EXOC6B: variants seen among roughly 807,000 people sequenced by gnomAD.
The protein encoded by EXOC6B is SEC15 homolog B.
Under a neutral mutation model 113.5 loss-of-function variants are expected in EXOC6B, and 54 were observed. The ratio of observed to expected loss-of-function variants is 0.48; its 90% confidence interval spans 0.38 to 0.60. EXOC6B has a LOEUF of 0.60. Among genes scored for constraint, EXOC6B ranks in the 20% least tolerant of loss-of-function variants. EXOC6B has a pLI of 0.00. For synonymous variants in EXOC6B, 357 were observed against 339.0 expected (o/e 1.05, Z -0.58); for missense variants, 797 against 977.5 (o/e 0.82, Z 2.46).
At chr2:72,294,829 A>C (rs1367518788) in intron 20 of EXOC6B, among the ~76,000 whole-genome samples, 1 of 152,120 alleles carries the variant, frequency 6.6e-6, no homozygotes, top group Non-Finnish European at 1.5e-5. Flanking sequence ...TCATTTCCCA[A>C]TCTGATTGAG....
chr2:72,333,704 C>T (rs1334516472), intron 20 of EXOC6B, among the ~76,000 whole-genome samples: 1 of 151,950 alleles, frequency 6.6e-6, no homozygotes, highest in East Asian at 1.9e-4. Context: ...CCACCTTGGC[C>T]CCCAAATATT....
intron 21 of EXOC6B, chr2:72,183,014 T>G: frequency 1.5e-6 from 1 of 652,580 alleles, no homozygotes; most frequent in Non-Finnish European, 2.2e-6. Flanking sequence ...TTTTAGTCTC[T>G]TGGCTCCAAA....
At chr2:72,417,270 C>T (rs1222783964) in intron 18 of EXOC6B, among the ~76,000 whole-genome samples, 2 of 152,058 alleles carry the variant, frequency 1.3e-5, no homozygotes, top group African/African-American at 2.4e-5. Context: ...CTCTTCTCAC[C>T]CCTCCACCTC....
At chr2:72,198,402 G>T (rs772376433) in intron 20 of EXOC6B, among the ~76,000 whole-genome samples, 1 of 152,088 alleles carries the variant, frequency 6.6e-6, no homozygotes, top group Non-Finnish European at 1.5e-5. Flanking sequence ...AAATTATAAG[G>T]CAGAGAAAAA....
intron 8 of EXOC6B, among the ~76,000 whole-genome samples, chr2:72,544,781 A>G (rs899690576): frequency 5.9e-5 from 9 of 152,128 alleles, no homozygotes; most frequent in African/African-American, 2.2e-4. Context: ...TATCTCTGGC[A>G]ATGCTAGACT....
chr2:72,205,776 A>G (rs1432299573), intron 20 of EXOC6B, among the ~76,000 whole-genome samples: 3 of 152,238 alleles, frequency 2.0e-5, no homozygotes, highest in Admixed American at 6.5e-5. Context: ...TTTAAGAATC[A>G]GCCAGGAGTC....
chr2:72,484,459 C>T (rs1424914710), intron 16 of EXOC6B, among the ~76,000 whole-genome samples: 2 of 149,650 alleles, frequency 1.3e-5, no homozygotes, highest in African/African-American at 2.5e-5. Flanking sequence ...CCCAGCTACT[C>T]GGGAGGCTGA....
intron 18 of EXOC6B, among the ~76,000 whole-genome samples, chr2:72,450,783 G>T (rs1696864357): frequency 6.6e-6 from 1 of 152,170 alleles, no homozygotes; most frequent in African/African-American, 2.4e-5. Context: ...CATATCATTA[G>T]CAGTTGACTG....
At chr2:72,356,022 T>C (rs1689954664) in intron 19 of EXOC6B, among the ~76,000 whole-genome samples, 1 of 152,222 alleles carries the variant, frequency 6.6e-6, no homozygotes, top group Non-Finnish European at 1.5e-5. Context: ...TTGGATAAGG[T>C]ATTAAAAATA....
intron 18 of EXOC6B, among the ~76,000 whole-genome samples, chr2:72,417,060 T>C (rs1192091471): frequency 1.3e-5 from 2 of 152,212 alleles, no homozygotes; most frequent in Non-Finnish European, 2.9e-5. Flanking sequence ...TTTAAAGTAT[T>C]AATTACAATA....
intron 6 of EXOC6B, among the ~76,000 whole-genome samples, chr2:72,716,423 T>C (rs1385843688): frequency 6.6e-6 from 1 of 152,134 alleles, no homozygotes; most frequent in African/African-American, 2.4e-5. Context: ...CCTATCTTCC[T>C]TACACTCTCG....
chr2:72,778,714 T>C lies in EXOC6B; in HGVS notation c.114-37245A>G, dbSNP rs567383512. Among the ~76,000 whole-genome samples, 58 of 152,226 alleles carry C rather than the reference T, an allele frequency of 3.8e-4. No homozygotes were observed. In the South Asian group the frequency reaches 0.012, roughly 31 times the overall value. On this transcript the variant is annotated intron_variant, in intron 1 of 21. Transcript: ENST00000272427. The stretch of plus-strand genomic sequence containing the variant: ...ACAAATCATGACTAAGATTTGCTAT[T>C]AGTCATCTCCCATTCTTTCTAAAGA...
intron 1 of EXOC6B, among the ~76,000 whole-genome samples, chr2:72,755,037 A>T (rs1269357551): frequency 6.6e-6 from 1 of 152,176 alleles, no homozygotes; most frequent in Non-Finnish European, 1.5e-5. Flanking sequence ...TAGGATAAGA[A>T]TTACTCCTTA....
intron 1 of EXOC6B, among the ~76,000 whole-genome samples, chr2:72,800,941 C>T (rs1352894874): frequency 6.6e-6 from 1 of 152,226 alleles, no homozygotes; most frequent in South Asian, 2.1e-4. Context: ...CTCTTTCCCT[C>T]TCATTCTCTA....
intron 19 of EXOC6B, among the ~76,000 whole-genome samples, chr2:72,363,549 A>T (rs982617390): frequency 2.4e-4 from 37 of 152,088 alleles, no homozygotes; most frequent in East Asian, 1.5e-3. Flanking sequence ...GACCTGAGAT[A>T]TGCTGGATAT....
chr2:72,550,518 T>C (rs1703150445), intron 8 of EXOC6B, among the ~76,000 whole-genome samples: 1 of 152,200 alleles, frequency 6.6e-6, no homozygotes, highest in Non-Finnish European at 1.5e-5. Flanking sequence ...GGAACTACTG[T>C]GAATGGGAGA....
intron 6 of EXOC6B, among the ~76,000 whole-genome samples, chr2:72,622,098 T>C (rs1671783407): frequency 6.6e-6 from 1 of 151,740 alleles, no homozygotes; most frequent in South Asian, 2.1e-4. Context: ...TATAAGAATA[T>C]ATGTTAAATC....
chr2:72,490,777 G>A (rs950015643), intron 16 of EXOC6B, among the ~76,000 whole-genome samples: 2 of 152,096 alleles, frequency 1.3e-5, no homozygotes, highest in African/African-American at 4.8e-5. Context: ...CCCGTACAGT[G>A]TTTCCTGAAA....
chr2:72,187,400 T>C (rs538509863), intron 20 of EXOC6B, among the ~76,000 whole-genome samples: 159 of 152,038 alleles, frequency 1.0e-3, no homozygotes, highest in Non-Finnish European at 1.9e-3. Flanking sequence ...CAAGTTCTTT[T>C]CCTGCGACCA....
Sources: allele counts gnomAD v4.1 joint callset (sites outside exome capture counted in the v4.1 genomes callset), GRCh38; gene constraint gnomAD v4.1.1; transcripts MANE v1.5; gene names NCBI Gene and HGNC (gene_info 2026-07-23, HGNC 2026-07-21).